Variants in EFCAB12 observed in about 807,000 individuals in gnomAD.
EFCAB12 encodes the protein EF-hand calcium-binding domain-containing protein 12.
A neutral mutation model predicts 53.6 loss-of-function variants in EFCAB12; 43 were observed. That is an observed-to-expected ratio of 0.80 (90% CI 0.63 to 1.03). The LOEUF is 1.03. EFCAB12 is among the 50% of genes least tolerant of loss of function. The pLI is 0.00. For missense variants in EFCAB12, 646 were observed against 730.6 expected, an observed-to-expected ratio of 0.88 and a Z score of 1.34; for synonymous variants, 269 against 289.2, an observed-to-expected ratio of 0.93 and a Z score of 0.71.
intron 6 of EFCAB12, among the ~76,000 whole-genome samples, chr3:129,407,891 G>A (rs1330972009): frequency 6.6e-6 from 1 of 152,164 alleles, no homozygotes; most frequent in Non-Finnish European, 1.5e-5. Context: ...TCTAGCCTGG[G>A]CGACAGAGTG....
Position 129,428,498 on chromosome 3 carries a change from G to A in EFCAB12, c.-10C>T. On this transcript the variant is annotated 5_prime_UTR_variant, in exon 1 of 9. Transcript: ENST00000505956. ...CATAGTCGTCGTCCATGGTCGTGGT[G>A]CTGGGAGGGGGTGCTGAAGGGCGTG... The A allele has an allele frequency of 6.2e-7, 1 of 1,611,028 alleles. No individual in the cohort carries two copies. Among genetic ancestry groups the A allele is most frequent in the Non-Finnish European group, 8.5e-7 (1 of 1,178,626 alleles).
chr3:129,427,346 C>T (rs999765093), intron 1 of EFCAB12, among the ~76,000 whole-genome samples: 1 of 145,844 alleles, frequency 6.9e-6, no homozygotes, highest in African/African-American at 2.8e-5. Context: ...TGTGCCCCTT[C>T]CCCCACTAAC....
intron 4 of EFCAB12, 111 bp from the exon 5 acceptor site, chr3:129,411,465 G>A (rs377135943): frequency 7.4e-5 from 84 of 1,140,974 alleles, no homozygotes; most frequent in East Asian, 2.8e-4. Flanking sequence ...CCACCCCTCC[G>A]CTCCCTTCCC....
chr3:129,428,173 T>A (rs897588517), intron 1 of EFCAB12, among the ~76,000 whole-genome samples: 2 of 152,142 alleles, frequency 1.3e-5, no homozygotes, highest in Admixed American at 6.5e-5. Context: ...TCTCCATGCC[T>A]CTCCTCCAGT....
At chr3:129,418,962 G>A (rs920426498) in intron 2 of EFCAB12, among the ~76,000 whole-genome samples, 1 of 152,200 alleles carries the variant, frequency 6.6e-6, no homozygotes, top group Admixed American at 6.5e-5. Context: ...GCACTGGGCA[G>A]TTTACAAAGG....
At position 129,421,746 on chromosome 3, in the gene EFCAB12, G is replaced by A. The variant is rs58932597; in HGVS notation, c.107C>T (p.Pro36Leu). 22,038 of 1,613,714 alleles carry A rather than the reference G, an allele frequency of 0.014. 1,126 individuals are homozygous for A. The highest frequency in any genetic ancestry group is 0.11 in the African/African-American group (8,074 of 74,990). The part of the protein sequence containing the change: ...NENAPVFDPE[P>L]VIAHCFKQFQ... ...CTGCTTGAAGCAGTGGGCAATGACC[G>A]GTTCAGGATCAAAGACGGGAGCATT... Residue 36 changes from proline to leucine, a missense_variant, in exon 2 of 9, where the codon CCG (proline) becomes CTG (leucine). Physicochemically the swap from Pro to Leu is moderately conservative, Grantham distance 98 (BLOSUM62 -3). Transcript: ENST00000505956.
chr3:129,404,427 T>TG (rs1413864341), intron 6 of EFCAB12, 24 bp from the exon 7 acceptor site: 3 of 1,598,214 alleles, frequency 1.9e-6, no homozygotes, highest in Non-Finnish European at 2.6e-6. Flanking sequence ...GAGAAACATC[T>TG]GCACCCATCA....
chr3:129,402,521 A>C lies in EFCAB12; in HGVS notation c.1460+2T>G. On this transcript the variant is annotated splice_donor_variant, in intron 8 of 8. Coordinates refer to ENST00000505956, the MANE Select transcript of EFCAB12 (RefSeq NM_207307.3). LOFTEE classifies it high-confidence loss of function. ...TTGTGGAGTTAGATGATTGCCACAG[A>C]CCTGGTAAATTCCTCAAACTCCTTA... The C allele has an allele frequency of 6.2e-7, 1 of 1,612,092 alleles. No homozygotes were observed. Among genetic ancestry groups the C allele is most frequent in the Non-Finnish European group, 8.5e-7 (1 of 1,178,980 alleles).
At chr3:129,422,045 C>A (rs2107742195) in intron 1 of EFCAB12, among the ~76,000 whole-genome samples, 1 of 152,260 alleles carries the variant, frequency 6.6e-6, no homozygotes, top group African/African-American at 2.4e-5. Context: ...CATACCCAGC[C>A]CCCAACACCT....
chr3:129,408,999 G>T, intron 5 of EFCAB12, 141 bp from the exon 6 acceptor site: 2 of 878,798 alleles, frequency 2.3e-6, no homozygotes, highest in Admixed American at 2.3e-5. Context: ...GTCCAGTGGG[G>T]CTGCAGTTCC....
rs371420964 is a variant in EFCAB12, at chr3:129,405,787, G to A, written c.1250-1384C>T. ...ATCAGGCCTCTGTCATAAAGATACCGAATAGCAAGTGGCCAAGACAGTGGT... is the reference window on the plus strand; with the variant it reads ...ATCAGGCCTCTGTCATAAAGATACCAAATAGCAAGTGGCCAAGACAGTGGT... On this transcript the variant is annotated intron_variant, in intron 6 of 8. Coordinates refer to ENST00000505956, the MANE Select transcript of EFCAB12 (RefSeq NM_207307.3). Among the ~76,000 whole-genome samples, 11 of 152,218 alleles carry A rather than the reference G, an allele frequency of 7.2e-5. No homozygotes were observed. In the East Asian group the frequency reaches 1.2e-3, roughly 16 times the overall value.
intron 8 of EFCAB12, 64 bp from the exon 9 acceptor site, chr3:129,401,915 G>C (rs561798868): frequency 7.3e-5 from 114 of 1,556,290 alleles, no homozygotes; most frequent in Non-Finnish European, 9.1e-5. Flanking sequence ...AGGCTTCATC[G>C]CAGAGCCCAC....
At position 129,401,499 on chromosome 3, in the gene EFCAB12, A is replaced by T; in HGVS notation, c.*94T>A. 7.0e-7 allele frequency: 1 copy of T among 1,426,190 alleles called. No homozygotes were observed. Among genetic ancestry groups the T allele is most frequent in the Non-Finnish European group, 9.3e-7 (1 of 1,078,394 alleles). 88.3% of individuals were successfully genotyped at this position (1,426,190 alleles called of 1,614,324 possible). ...TCTTTGAAAGGATTTCTTTAGTTTG[A>T]CTCTTTGACACTCCTCTTGTGTCTG... On this transcript the variant is annotated 3_prime_UTR_variant, in exon 9 of 9. Coordinates refer to ENST00000505956, the MANE Select transcript of EFCAB12 (RefSeq NM_207307.3).
In EFCAB12 at chr3:129,415,228, T is replaced by G. The variant is rs1183570743; in HGVS notation, c.838+17A>C. 1.3e-6 allele frequency: 2 copies of G among 1,574,534 alleles called. No homozygotes were observed. The highest frequency in any genetic ancestry group is 2.7e-5 in the African/African-American group (2 of 72,922). On this transcript the variant is annotated intron_variant, in intron 4 of 8. Coordinates refer to ENST00000505956, the MANE Select transcript of EFCAB12 (RefSeq NM_207307.3). ...AGGACGGGGAGGTGGAGGCACAGGA[T>G]GGGGAGGGGTACGCACGCTCCCTTG... is the stretch of plus-strand genomic sequence containing the variant.
At chr3:129,415,705 C>T (rs973807467) in intron 3 of EFCAB12, among the ~76,000 whole-genome samples, 1 of 152,176 alleles carries the variant, frequency 6.6e-6, no homozygotes, top group Non-Finnish European at 1.5e-5. Flanking sequence ...TCTTCTTCCT[C>T]TAGGGTCCCA....
rs762069785 is a variant in EFCAB12, at chr3:129,418,389, G to A, written c.546C>T (p.Pro182=). 3.3e-5 allele frequency: 54 copies of A among 1,613,332 alleles called. No individual in the cohort carries two copies. The highest frequency in any genetic ancestry group is 4.2e-5 in the Non-Finnish European group (50 of 1,179,642). The change falls in exon 3 of 9, where the codon CCC becomes CCT. Residue 182 remains proline, a synonymous_variant. Transcript: ENST00000505956. The part of the protein sequence containing the change: ...SRQMVPQLQL[P]EPPALSVMYS... ...ACATGACCGACAGGGCAGGGGGCTC[G>A]GGCAGCTGGAGCTGGGGCACCATCT...
At chr3:129,417,323 C>CA (rs530043934) in intron 3 of EFCAB12, among the ~76,000 whole-genome samples, 3,798 of 19,434 alleles carry the variant, frequency 0.2, 213 homozygotes, top group South Asian at 0.34. Flanking sequence ...GACTCTGCCT[C>CA]AAAAAAAAAA....
At chr3:129,419,258 T>C (rs1309267670) in intron 2 of EFCAB12, among the ~76,000 whole-genome samples, 1 of 152,262 alleles carries the variant, frequency 6.6e-6, no homozygotes, top group African/African-American at 2.4e-5. Context: ...TTTAAATTTA[T>C]AATTAATTTA....
At position 129,408,770 on chromosome 3, in the gene EFCAB12, G is replaced by A. The variant is rs759073143; in HGVS notation, c.1124C>T (p.Thr375Ile). The A allele has an allele frequency of 1.6e-5, 26 of 1,579,964 alleles. No individual in the cohort carries two copies. The highest frequency in any genetic ancestry group is 2.2e-5 in the Non-Finnish European group (25 of 1,162,416). ...RHFDEHCLPS[T>I]IHGDMRELID... ...GAGCTCCCTCATATCCCCGTGGATG[G>A]TGGACGGGAGGCAGTGCTCATCAAA... The change falls in exon 6 of 9, where the codon ACC becomes ATC. Residue 375 changes from threonine (T) to isoleucine (I), a missense_variant. Transcript: ENST00000505956.
Sources: gnomAD v4.1 joint callset for allele counts (sites outside exome capture counted in the v4.1 genomes callset) on GRCh38, gnomAD v4.1.1 for gene constraint, MANE v1.5 for transcripts, NCBI Gene and HGNC (gene_info 2026-07-23, HGNC 2026-07-21) for gene names.